The following DNAH6 variants were observed in gnomAD, a reference collection of about 807,000 sequenced individuals.
DNAH6 encodes the protein axonemal beta dynein heavy chain 6.
A neutral mutation model predicts 491.4 loss-of-function variants in DNAH6; 340 were observed. The observed-to-expected ratio is 0.69, with a 90% CI of 0.63 to 0.76. The LOEUF is 0.76. DNAH6 is among the 30% of genes least tolerant of loss of function. The pLI is 0.00. For synonymous variants in DNAH6, 1,603 were observed against 1,686.1 expected (o/e 0.95, Z 1.21); for missense variants, 4,443 against 4,972.2 (o/e 0.89, Z 3.20).
chr2:84,495,570 A>G, the DNAH6 span, among the ~76,000 whole-genome samples: 1 of 152,210 alleles, frequency 6.6e-6, no homozygotes, highest in Non-Finnish European at 1.5e-5. Flanking sequence ...CATCACTCAT[A>G]CATATTCACA....
chr2:84,713,374 C>G (rs957514564), intron 57 of DNAH6, 115 bp downstream of exon 57: 2 of 922,226 alleles, frequency 2.2e-6, no homozygotes, highest in Admixed American at 5.8e-5. Flanking sequence ...TCTCCCCTGT[C>G]TCCTATACAC....
chr2:84,534,878 T>G (rs1677533853), intron 4 of DNAH6, among the ~76,000 whole-genome samples: 2 of 152,008 alleles, frequency 1.3e-5, no homozygotes, highest in Admixed American at 1.3e-4. Context: ...TGTTGTGGGT[T>G]TGAACCTAAA....
Position 84,710,294 on chromosome 2 carries a change from G to A in DNAH6, c.9260G>A (p.Arg3087His), listed in dbSNP as rs748307294. Residue 3087 changes from arginine (R) to histidine (H), a missense_variant, in exon 56 of 77, where the codon CGT (arginine) becomes CAT (histidine). Transcript: ENST00000389394. ...CTGTGCTTTTCCAAACAGGCAAACC[G>A]TTGGATAAGGAACAAGGAAAGCAAA... ...LMIDPQDQANRWIRNKESKSG... is the reference protein window; with the variant it reads ...LMIDPQDQANHWIRNKESKSG... 6.0e-5 allele frequency: 93 copies of A among 1,551,372 alleles called. No homozygotes were observed. Among genetic ancestry groups the A allele is most frequent in the Middle Eastern group, 3.3e-4 (2 of 6,014 alleles).
rs147786546 is a variant in DNAH6 at position 84,672,374 on chromosome 2, A to G, written c.6502A>G (p.Met2168Val). The G allele has an allele frequency of 3.2e-6, 5 of 1,551,614 alleles. No individual in the cohort carries two copies. The highest frequency in any genetic ancestry group is 4.4e-6 in the Non-Finnish European group (5 of 1,146,850). ...RIVIFVDDLN[M>V]PRLDRYGSQP... ...TGTGATTTTTGTTGATGATTTAAAC[A>G]TGCCCAGACTGGATCGCTATGGCTC... The change falls in exon 40 of 77, where the codon ATG becomes GTG. Residue 2168 changes from methionine (M) to valine (V), a missense_variant. By Grantham distance (21) the Met-to-Val change is conservative. Transcript: ENST00000389394.
intron 56 of DNAH6, among the ~76,000 whole-genome samples, chr2:84,711,065 GAGAA>G (rs1156782379): frequency 4.6e-5 from 7 of 152,190 alleles, no homozygotes; most frequent in Non-Finnish European, 1.0e-4. Flanking sequence ...ACAGTAAACA[GAGAA>G]AGAAAGAGAG....
chr2:84,661,649 T>C (rs1461208781), intron 37 of DNAH6, among the ~76,000 whole-genome samples: 1 of 152,168 alleles, frequency 6.6e-6, no homozygotes, highest in East Asian at 1.9e-4. Context: ...TTTTAAAACA[T>C]CTGTATAAAT....
At chr2:84,671,088 A>G (rs1692695924) in intron 39 of DNAH6, among the ~76,000 whole-genome samples, 2 of 151,460 alleles carry the variant, frequency 1.3e-5, no homozygotes, top group Non-Finnish European at 2.9e-5. Context: ...ACTCCTCCCC[A>G]CCCTCCCTGT....
chr2:84,570,752 C>A (rs889145168), intron 11 of DNAH6, among the ~76,000 whole-genome samples: 4 of 152,160 alleles, frequency 2.6e-5, no homozygotes, highest in Non-Finnish European at 5.9e-5. Context: ...GCTGGCCACC[C>A]GAGCCAGTAG....
chr2:84,693,151 A>G (rs995687264), intron 45 of DNAH6, among the ~76,000 whole-genome samples: 2 of 151,902 alleles, frequency 1.3e-5, no homozygotes, highest in South Asian at 2.1e-4. Flanking sequence ...TGTAATTTCT[A>G]TGATGTGGCC....
chr2:84,514,159 AT>A (rs1459041301), upstream of DNAH6, among the ~76,000 whole-genome samples: 1 of 152,140 alleles, frequency 6.6e-6, no homozygotes, highest in Non-Finnish European at 1.5e-5. Flanking sequence ...GTTTCATCTG[AT>A]TATTATTTTG....
At chr2:84,666,863 A>G (rs926210798) in intron 37 of DNAH6, among the ~76,000 whole-genome samples, 1 of 152,220 alleles carries the variant, frequency 6.6e-6, no homozygotes, top group African/African-American at 2.4e-5. Flanking sequence ...ACAAGGCTAC[A>G]GTAACCAAAA....
At chr2:84,534,845 G>A (rs943304582) in intron 4 of DNAH6, among the ~76,000 whole-genome samples, 1 of 151,784 alleles carries the variant, frequency 6.6e-6, no homozygotes, top group African/African-American at 2.4e-5. Flanking sequence ...TGTTTAAAAT[G>A]GTTCTCATGA....
intron 20 of DNAH6, among the ~76,000 whole-genome samples, chr2:84,605,816 G>A (rs1428075853): frequency 6.6e-6 from 1 of 152,186 alleles, no homozygotes; most frequent in African/African-American, 2.4e-5. Context: ...GTTGCAACCT[G>A]TAGTTGGTAA....
intron 1 of DNAH6, among the ~76,000 whole-genome samples, chr2:84,517,480 C>A (rs1675709724): frequency 6.6e-6 from 1 of 152,172 alleles, no homozygotes. Context: ...ACATTGATCT[C>A]AATACTAATT....
intron 68 of DNAH6, among the ~76,000 whole-genome samples, chr2:84,788,649 T>G (rs1573813696): frequency 2.0e-5 from 3 of 152,226 alleles, no homozygotes; most frequent in Non-Finnish European, 4.4e-5. Context: ...TGACCATAGC[T>G]TTATCACATT....
rs56944137 is a variant in DNAH6 at position 84,720,267 on chromosome 2, C to CTTTT, written c.9792+1909_9792+1912dup. 5.7e-4 allele frequency among the ~76,000 whole-genome samples: 28 copies of CTTTT among 49,532 alleles called. 1 individual carries two copies. Among genetic ancestry groups the CTTTT allele is most frequent in the Non-Finnish European group, 7.8e-4 (21 of 27,036 alleles). The allele number at this position is 49,532 out of a possible 152,430, so 32.5% of individuals were successfully genotyped here. On this transcript the variant is annotated intron_variant, in intron 59 of 76. Coordinates refer to ENST00000389394, the MANE Select transcript of DNAH6 (RefSeq NM_001370.2). ...GCCCTTCCCACTTCCAAGAGTGCTT[C>CTTTT]TTTTTTTTTTTTTTTTTTTTTTTTT...
chr2:84,763,714 ATGTGTGTGTGTGTGTGTGTGTG>A lies in DNAH6; in HGVS notation c.10703+801_10703+822del, dbSNP rs70953906. 1.3e-3 allele frequency among the ~76,000 whole-genome samples: 167 copies of A among 126,898 alleles called. 2 individuals are homozygous for A. Among genetic ancestry groups the A allele is most frequent in the South Asian group, 3.4e-3 (11 of 3,266 alleles). 83.3% of individuals were successfully genotyped at this position (126,898 alleles called of 152,430 possible). ...TCTCCAGAGAAATAGAACTGATAGG[ATGTGTGTGTGTGTGTGTGTGTG>A]TGTGTGTGTGTGTGTGTGTGTGTGT... On this transcript the variant is annotated intron_variant, in intron 64 of 76. Coordinates refer to ENST00000389394, the MANE Select transcript of DNAH6 (RefSeq NM_001370.2).
intron 35 of DNAH6, 83 bp downstream of exon 35, chr2:84,654,865 G>T: frequency 6.9e-7 from 1 of 1,443,536 alleles, no homozygotes. Context: ...AATAGGTTAA[G>T]GACTCATGGT....
intron 63 of DNAH6, among the ~76,000 whole-genome samples, chr2:84,745,688 A>G (rs1672908547): frequency 6.6e-6 from 1 of 151,766 alleles, no homozygotes; most frequent in Non-Finnish European, 1.5e-5. Flanking sequence ...AAAAAAAGAA[A>G]CATGGTTCTG....
Sources: allele counts gnomAD v4.1 joint callset (sites outside exome capture counted in the v4.1 genomes callset), GRCh38; gene constraint gnomAD v4.1.1; transcripts MANE v1.5; gene names NCBI Gene and HGNC (gene_info 2026-07-23, HGNC 2026-07-21).